EGFLAM: variants seen among roughly 807,000 people sequenced by gnomAD.
EGFLAM encodes pikachurin.
In EGFLAM, 79 loss-of-function variants were observed where a neutral mutation model predicts 113.1. That is an observed-to-expected ratio of 0.70 (90% confidence interval 0.58 to 0.84). The LOEUF (loss-of-function observed/expected upper bound fraction) is 0.84, where lower values mean the gene tolerates loss of function less well. Ranked by LOEUF, EGFLAM falls within the 40% of genes least tolerant of loss-of-function variation. The pLI is 0.00. For synonymous variants in EGFLAM, 504 were observed against 487.6 expected (o/e 1.03, Z -0.44); for missense variants, 1,265 against 1,291.6 (o/e 0.98, Z 0.32).
At chr5:38,277,875 G>A (rs1215771013) in intron 1 of EGFLAM, among the ~76,000 whole-genome samples, 8 of 152,006 alleles carry the variant, frequency 5.3e-5, no homozygotes, top group South Asian at 2.1e-4. Flanking sequence ...AAATATTTAC[G>A]AAAGAAATTG....
chr5:38,298,852 CA>C (rs1758508873), intron 1 of EGFLAM, among the ~76,000 whole-genome samples: 1 of 152,080 alleles, frequency 6.6e-6, no homozygotes, highest in African/African-American at 2.4e-5. Flanking sequence ...AGGCGCACAC[CA>C]CCATGCCCAG....
At chr5:38,426,142 G>A (rs1041897805) in intron 13 of EGFLAM, among the ~76,000 whole-genome samples, 3 of 151,594 alleles carry the variant, frequency 2.0e-5, no homozygotes, top group East Asian at 1.9e-4. Context: ...ACACAGAAAC[G>A]TTAACAATGT....
At chr5:38,338,244 T>C (rs971033810) in intron 2 of EGFLAM, among the ~76,000 whole-genome samples, 8 of 151,778 alleles carry the variant, frequency 5.3e-5, no homozygotes, top group Admixed American at 4.6e-4. Context: ...AGCTGCTTAT[T>C]TTAGCTGAAA....
At chr5:38,412,782 TCATGGTGAACC>T in intron 11 of EGFLAM, 134 bp downstream of exon 11, 1 of 1,352,312 alleles carries the variant, frequency 7.4e-7, no homozygotes, top group Non-Finnish European at 9.8e-7. Context: ...GGCCTATTTC[TCATGGTGAACC>T]CATGCAACAG....
At chr5:38,261,593 A>C (rs892210474) in intron 1 of EGFLAM, among the ~76,000 whole-genome samples, 1 of 152,192 alleles carries the variant, frequency 6.6e-6, no homozygotes, top group Non-Finnish European at 1.5e-5. Flanking sequence ...AGAGGTGTGT[A>C]GCATGTCTTG....
chr5:38,442,151 T>C (rs181837485), intron 17 of EGFLAM, among the ~76,000 whole-genome samples: 3 of 152,102 alleles, frequency 2.0e-5, no homozygotes, highest in Admixed American at 6.5e-5. Flanking sequence ...CCAGTGTATA[T>C]ATATAAAAAA....
chr5:38,393,699 A>C (rs1370763522), intron 6 of EGFLAM, among the ~76,000 whole-genome samples: 1 of 152,232 alleles, frequency 6.6e-6, no homozygotes, highest in Non-Finnish European at 1.5e-5. Flanking sequence ...GAGCGAACGA[A>C]TGCTGGCACT....
chr5:38,437,741 G>A (rs371965886), intron 16 of EGFLAM, among the ~76,000 whole-genome samples: 15 of 152,220 alleles, frequency 9.9e-5, no homozygotes, highest in East Asian at 5.8e-4. Context: ...CCAGTCTTCC[G>A]GAACCAGAGG....
At chr5:38,365,252 A>T (rs759914100) in intron 5 of EGFLAM, among the ~76,000 whole-genome samples, 76 of 152,226 alleles carry the variant, frequency 5.0e-4, no homozygotes, top group Admixed American at 1.2e-3. Context: ...AGAATACCAC[A>T]GGCTCTCACG....
At chr5:38,312,467 G>C (rs570659461) in intron 1 of EGFLAM, among the ~76,000 whole-genome samples, 16 of 152,102 alleles carry the variant, frequency 1.1e-4, no homozygotes, top group East Asian at 5.8e-4. Context: ...GTCTTGATCT[G>C]CTGACCTCGT....
Position 38,407,139 on chromosome 5 carries a change from C to T in EGFLAM, c.1140C>T (p.Cys380=). The T allele has an allele frequency of 6.2e-7, 1 of 1,609,322 alleles. No individual in the cohort carries two copies. The highest frequency in any genetic ancestry group is 8.5e-7 in the Non-Finnish European group (1 of 1,179,540). The change falls in exon 8 of 22, where the codon TGC becomes TGT. Residue 380 remains cysteine (C), a synonymous_variant. Coordinates refer to ENST00000322350, the MANE Select transcript of EGFLAM (RefSeq NM_152403.4). ...CCCTGGGCAAAGGTGGTGAGAGCTG[C>T]TCAGAAGGTAGGCCCTTGGGGGAGA... ...QCTLGKGGES[C]SEDIVIQYPQ... is the part of the protein sequence containing the mutation.
chr5:38,385,665 A>G lies in EGFLAM; in HGVS notation c.712+15203A>G, dbSNP rs139117951. On this transcript the variant is annotated intron_variant, in intron 6 of 21. Coordinates refer to ENST00000322350, the MANE Select transcript of EGFLAM (RefSeq NM_152403.4). ...CAAATGTGTCACAGACACTCACAGT[A>G]CTCACCATTGCTAAATGCAGGACTT... is the stretch of plus-strand genomic sequence containing the variant. Among the ~76,000 whole-genome samples, 77 of 152,290 alleles carry G rather than the reference A, an allele frequency of 5.1e-4. 1 individual carries two copies. The South Asian group carries it at 0.013, about 27-fold the overall frequency.
Position 38,370,437 on chromosome 5 carries a change from G to T in EGFLAM, c.687G>T (p.Trp229Cys), listed in dbSNP as rs1306778630. The T allele has an allele frequency of 6.2e-7, 1 of 1,613,962 alleles. No individual in the cohort carries two copies. The highest frequency in any genetic ancestry group is 8.5e-7 in the Non-Finnish European group (1 of 1,180,018). ...CCCATGGCCCCAGCCCCCGCAGCTG[G>T]CCCAGTGACATCATCCGGACCCTCT... ...MNSHGPSPRSWPSDIIRTLCP... is the reference protein window; with the variant it reads ...MNSHGPSPRSCPSDIIRTLCP... Residue 229 changes from tryptophan (W) to cysteine (C), a missense_variant, in exon 6 of 22, where the codon TGG becomes TGT. Trp to Cys is a radical substitution (Grantham distance 215, BLOSUM62 -2). Transcript: ENST00000322350.
At chr5:38,463,178 A>AG (rs966375025) in intron 21 of EGFLAM, among the ~76,000 whole-genome samples, 167 bp downstream of exon 21, 51 of 152,286 alleles carry the variant, frequency 3.3e-4, no homozygotes, top group Admixed American at 6.5e-4. Context: ...CTCATGGCTG[A>AG]GGGGGCAGGA....
intron 3 of EGFLAM, among the ~76,000 whole-genome samples, chr5:38,343,841 A>T (rs1370056775): frequency 6.6e-6 from 1 of 152,140 alleles, no homozygotes; most frequent in Admixed American, 6.5e-5. Flanking sequence ...CTATTAATGA[A>T]GGTTGTTTTA....
chr5:38,384,599 G>C (rs1276192695), intron 6 of EGFLAM, among the ~76,000 whole-genome samples: 1 of 152,188 alleles, frequency 6.6e-6, no homozygotes, highest in Admixed American at 6.5e-5. Flanking sequence ...GTGTCCTGCT[G>C]CATGTCCCAG....
chr5:38,434,859 C>T (rs1183415336), intron 15 of EGFLAM, among the ~76,000 whole-genome samples: 1 of 152,236 alleles, frequency 6.6e-6, no homozygotes, highest in Non-Finnish European at 1.5e-5. Flanking sequence ...CTGCCACAGT[C>T]ATCATGACAT....
chr5:38,393,536 C>T (rs1740870095), intron 6 of EGFLAM, among the ~76,000 whole-genome samples: 1 of 152,152 alleles, frequency 6.6e-6, no homozygotes, highest in South Asian at 2.1e-4. Flanking sequence ...TAAAGTTCAT[C>T]ACAATCTATT....
chr5:38,348,561 T>C (rs2961880), intron 3 of EGFLAM, among the ~76,000 whole-genome samples: 136,940 of 152,190 alleles, frequency 0.9, 61,743 homozygotes, highest in African/African-American at 0.96. Flanking sequence ...ACTGGATTCA[T>C]TACAAAGTTG....
Sources: allele counts gnomAD v4.1 joint callset (sites outside exome capture counted in the v4.1 genomes callset), GRCh38; gene constraint gnomAD v4.1.1; transcripts MANE v1.5; gene names NCBI Gene and HGNC (gene_info 2026-07-23, HGNC 2026-07-21).